The following ENTREP3 variants were observed in gnomAD, a reference collection of about 807,000 sequenced individuals.
ENTREP3 encodes protein ENTREP3.
chr1:155,249,811 G>A, the ENTREP3 span, among the ~76,000 whole-genome samples: 6 of 151,578 alleles, frequency 4.0e-5, no homozygotes, highest in Admixed American at 2.0e-4. Context: ...GCGTGAACCC[G>A]GGAGGCGGAG....
At chr1:155,254,780 G>A in the ENTREP3 span, 1 of 1,613,658 alleles carries the variant, frequency 6.2e-7, no homozygotes, top group African/African-American at 1.3e-5. This position sits in a 1 kb window ranked among gnomAD's most constrained non-coding sequence, Gnocchi z 4.4. Context: ...CGTAAGCAGG[G>A]CCTGCAGCCA....
the ENTREP3 span, chr1:155,251,646 CT>C: frequency 2.4e-5 from 38 of 1,605,918 alleles, no homozygotes; most frequent in Non-Finnish European, 3.2e-5. Flanking sequence ...ATAATTCCCC[CT>C]CCACAAAGAT....
At chr1:155,248,281 G>A in the ENTREP3 span, 8 of 1,601,064 alleles carry the variant, frequency 5.0e-6, no homozygotes, top group Non-Finnish European at 6.8e-6. Flanking sequence ...CTAGGCGGAA[G>A]AGGCAGGCTT....
At chr1:155,251,759 G>A in the ENTREP3 span, 2 of 1,611,108 alleles carry the variant, frequency 1.2e-6, no homozygotes, top group Non-Finnish European at 1.7e-6. Context: ...CTGAGCTGCA[G>A]GTATACTCTG....
At chr1:155,253,404 G>T in the ENTREP3 span, 1 of 551,820 alleles carries the variant, frequency 1.8e-6, no homozygotes, top group South Asian at 2.4e-5. Flanking sequence ...CCCTCTCCTG[G>T]TCCCAGACCA....
At chr1:155,248,099 G>C in the ENTREP3 span, 1 of 1,614,220 alleles carries the variant, frequency 6.2e-7, no homozygotes, top group Non-Finnish European at 8.5e-7. Flanking sequence ...GGCTTTCCTG[G>C]ATATCTGGAG....
chr1:155,253,933 G>A, the ENTREP3 span: 1 of 1,613,040 alleles, frequency 6.2e-7, no homozygotes, highest in East Asian at 2.2e-5. Context: ...TCTGGACAGG[G>A]CCGGAGGAGG....
the ENTREP3 span, among the ~76,000 whole-genome samples, chr1:155,252,528 C>A: frequency 2.0e-5 from 3 of 149,636 alleles, no homozygotes; most frequent in Non-Finnish European, 4.4e-5. Flanking sequence ...CGCCACCACA[C>A]CCGGATAATT....
chr1:155,252,690 G>GTGCATATATATATA, the ENTREP3 span: 2 of 32,878 alleles, frequency 6.1e-5, no homozygotes, highest in African/African-American at 3.7e-4. Flanking sequence ...AATTTTGTGT[G>GTGCATATATATATA]TATATATATA....
chr1:155,250,978 C>T, the ENTREP3 span: 3 of 1,242,560 alleles, frequency 2.4e-6, no homozygotes, highest in South Asian at 2.8e-5. This position sits in a 1 kb window ranked among gnomAD's most constrained non-coding sequence, Gnocchi z 5.4. Context: ...GTTGCCACAG[C>T]CCTCCTATGT....
the ENTREP3 span, chr1:155,252,210 C>CT: frequency 0.017 from 4,574 of 264,248 alleles, no homozygotes; most frequent in Middle Eastern, 0.037. Context: ...CTAGGACCTT[C>CT]TTTTTTTTTT....
chr1:155,247,261 A>G, the ENTREP3 span: 1 of 377,226 alleles, frequency 2.7e-6, no homozygotes, highest in South Asian at 1.9e-5. Context: ...TACTGTTAAG[A>G]GCTTTACAAA....
At chr1:155,247,995 C>T in the ENTREP3 span, 1 of 1,612,616 alleles carries the variant, frequency 6.2e-7, no homozygotes, top group Non-Finnish European at 8.5e-7. Flanking sequence ...CAATAAGGCT[C>T]AATCTGAAGC....
the ENTREP3 span, chr1:155,251,096 G>A: frequency 1.9e-6 from 3 of 1,611,920 alleles, no homozygotes; most frequent in South Asian, 1.1e-5. Flanking sequence ...CCTGCTCACC[G>A]TCTACAATGG....
the ENTREP3 span, chr1:155,251,733 C>A: frequency 6.2e-7 from 1 of 1,612,512 alleles, no homozygotes; most frequent in Non-Finnish European, 8.5e-7. Context: ...CAGGCCTTAC[C>A]TCTGTGCATC....
chr1:155,249,119 T>A, the ENTREP3 span, among the ~76,000 whole-genome samples: 1 of 151,026 alleles, frequency 6.6e-6, no homozygotes, highest in South Asian at 2.1e-4. Context: ...ATGGAGTGTG[T>A]CTCTGTCACC....
At chr1:155,248,217 G>T in the ENTREP3 span, 2 of 1,608,828 alleles carry the variant, frequency 1.2e-6, no homozygotes, top group Admixed American at 3.3e-5. Context: ...GTGGGCACAG[G>T]GCGCCGTTTC....
the ENTREP3 span, chr1:155,247,992 G>A: frequency 6.2e-7 from 1 of 1,612,534 alleles, no homozygotes; most frequent in Non-Finnish European, 8.5e-7. Flanking sequence ...CATCAATAAG[G>A]CTCAATCTGA....
the ENTREP3 span, chr1:155,253,506 C>G: frequency 1.5e-6 from 1 of 660,128 alleles, no homozygotes; most frequent in African/African-American, 1.8e-5. Context: ...TAATAGATAA[C>G]CCATAGCCCC....
Sources: allele counts gnomAD v4.1 joint callset (sites outside exome capture counted in the v4.1 genomes callset), GRCh38; gene constraint gnomAD v4.1.1; non-coding constraint Gnocchi (gnomAD v3.1); transcripts MANE v1.5; gene names NCBI Gene and HGNC (gene_info 2026-07-23, HGNC 2026-07-21).